The following PIBF1 variants were observed in gnomAD, a reference collection of about 807,000 sequenced individuals.
PIBF1 encodes progesterone-induced-blocking factor 1.
A neutral mutation model predicts 112.5 loss-of-function variants in PIBF1; 90 were observed. The observed-to-expected ratio is 0.80, with a 90% CI of 0.67 to 0.95. PIBF1 has a LOEUF of 0.95. PIBF1 is among the 40% of genes least tolerant of loss of function. PIBF1 has a pLI of 0.00. For missense variants in PIBF1, 915 were observed against 852.3 expected, an observed-to-expected ratio of 1.07 and a Z score of -0.92; for synonymous variants, 301 against 288.6, an observed-to-expected ratio of 1.04 and a Z score of -0.44.
intron 12 of PIBF1, among the ~76,000 whole-genome samples, chr13:72,915,110 G>A (rs1203066952): frequency 6.6e-6 from 1 of 152,064 alleles, no homozygotes; most frequent in African/African-American, 2.4e-5. Context: ...TGCAGACATG[G>A]TTTAAAGTGT....
chr13:73,000,026 T>C (rs2043804864), intron 17 of PIBF1, among the ~76,000 whole-genome samples: 1 of 152,046 alleles, frequency 6.6e-6, no homozygotes, highest in South Asian at 2.1e-4. Flanking sequence ...GGCGAGAGAG[T>C]GAAACTCTGC....
chr13:72,868,554 G>A (rs1566380688), intron 10 of PIBF1, among the ~76,000 whole-genome samples: 1 of 152,090 alleles, frequency 6.6e-6, no homozygotes, highest in Admixed American at 6.5e-5. Flanking sequence ...TCTGTATGTT[G>A]GTGTAACAAA....
intron 13 of PIBF1, among the ~76,000 whole-genome samples, chr13:72,928,044 T>TATACATATATATATATAC (rs1425822905): frequency 1.5e-4 from 20 of 130,088 alleles, no homozygotes; most frequent in African/African-American, 5.8e-4. Context: ...TATATATATA[T>TATACATATATATATATAC]ACATATATAT....
chr13:72,888,226 T>C (rs994778629), intron 10 of PIBF1, among the ~76,000 whole-genome samples: 5 of 152,104 alleles, frequency 3.3e-5, no homozygotes, highest in African/African-American at 1.2e-4. Context: ...ATGAGGCCAA[T>C]TGAAAATCTT....
intron 14 of PIBF1, among the ~76,000 whole-genome samples, chr13:72,932,052 C>T (rs2041726353): frequency 1.3e-5 from 2 of 151,170 alleles, no homozygotes; most frequent in Admixed American, 1.3e-4. Context: ...AGGACTCCTC[C>T]CTCCTCAGCC....
chr13:72,796,919 C>T (rs937019966), intron 4 of PIBF1, among the ~76,000 whole-genome samples: 1 of 152,028 alleles, frequency 6.6e-6, no homozygotes, highest in South Asian at 2.1e-4. Flanking sequence ...TTGCCTCTTA[C>T]CAAATAATGG....
Position 72,892,814 on chromosome 13 carries a change from ACG to A in PIBF1, c.1323-968_1323-967del, listed in dbSNP as rs1491436822. ...CACACACACACACACACACACGCAC[ACG>A]CACACACACCCCTCTATACAAACCA... On this transcript the variant is annotated intron_variant, in intron 10 of 17. Coordinates refer to ENST00000326291, the MANE Select transcript of PIBF1 (RefSeq NM_006346.4). 4.4e-3 allele frequency among the ~76,000 whole-genome samples: 652 copies of A among 148,062 alleles called. 11 individuals carry two copies. The highest frequency in any genetic ancestry group is 0.015 in the African/African-American group (612 of 41,026).
chr13:72,956,309 T>G (rs2042443450), intron 14 of PIBF1, among the ~76,000 whole-genome samples: 1 of 152,142 alleles, frequency 6.6e-6, no homozygotes, highest in Admixed American at 6.6e-5. Context: ...CTTACCCTTT[T>G]TCTCCTCTTT....
intron 17 of PIBF1, among the ~76,000 whole-genome samples, chr13:73,007,621 C>T (rs976666535): frequency 3.3e-5 from 5 of 152,022 alleles, no homozygotes; most frequent in African/African-American, 1.2e-4. Context: ...ACCAGCCTGA[C>T]CAACATGGAG....
chr13:73,015,276 G>A (rs1357058645), intron 17 of PIBF1, among the ~76,000 whole-genome samples: 1 of 152,192 alleles, frequency 6.6e-6, no homozygotes. Flanking sequence ...ACAGGCATGA[G>A]CCACCGCGCC....
chr13:72,913,068 T>G (rs1450080223), intron 12 of PIBF1, among the ~76,000 whole-genome samples: 8 of 151,810 alleles, frequency 5.3e-5, no homozygotes, highest in South Asian at 4.1e-4. Flanking sequence ...AATTTTTTTT[T>G]TTATTTTTAA....
chr13:72,875,583 A>G (rs928772939), intron 10 of PIBF1, among the ~76,000 whole-genome samples: 6 of 152,094 alleles, frequency 3.9e-5, no homozygotes, highest in East Asian at 1.9e-4. Context: ...CTGTTACTCC[A>G]TATCTTTGCC....
chr13:72,794,893 A>C (rs2035113659), intron 3 of PIBF1, among the ~76,000 whole-genome samples: 1 of 152,192 alleles, frequency 6.6e-6, no homozygotes, highest in African/African-American at 2.4e-5. Context: ...TGCTACATGT[A>C]TTCTTTGAGA....
chr13:72,993,614 C>T (rs1056249985), intron 16 of PIBF1, among the ~76,000 whole-genome samples: 1 of 151,098 alleles, frequency 6.6e-6, no homozygotes, highest in Non-Finnish European at 1.5e-5. Context: ...GGCATGGTGA[C>T]GGGCGCCTGT....
intron 10 of PIBF1, among the ~76,000 whole-genome samples, chr13:72,861,726 T>C (rs9530105): frequency 0.74 from 113,185 of 152,074 alleles, 42,514 homozygotes; most frequent in African/African-American, 0.82. Context: ...CCACCACACC[T>C]GGCTAATTTT....
At chr13:72,818,901 G>A (rs1301894773) in intron 5 of PIBF1, among the ~76,000 whole-genome samples, 3 of 151,632 alleles carry the variant, frequency 2.0e-5, no homozygotes, top group South Asian at 2.1e-4. Flanking sequence ...CTCATTTTTC[G>A]CAGAGATTAC....
intron 11 of PIBF1, 118 bp downstream of exon 11, chr13:72,894,067 A>AC (rs2040167822): frequency 2.2e-6 from 1 of 453,422 alleles, no homozygotes; most frequent in South Asian, 8.4e-5. Flanking sequence ...CAAAAAAAAA[A>AC]AAAAAAAAAA....
At chr13:72,874,343 A>T (rs2039300949) in intron 10 of PIBF1, among the ~76,000 whole-genome samples, 1 of 152,210 alleles carries the variant, frequency 6.6e-6, no homozygotes, top group South Asian at 2.1e-4. Context: ...CCAAGCTGAA[A>T]CAACTAGTGC....
At chr13:72,835,005 T>G (rs1339737390) in intron 8 of PIBF1, among the ~76,000 whole-genome samples, 1 of 152,168 alleles carries the variant, frequency 6.6e-6, no homozygotes, top group African/African-American at 2.4e-5. Flanking sequence ...TTACTAAGAT[T>G]TTATATAGTA....
Sources: allele counts gnomAD v4.1 joint callset (sites outside exome capture counted in the v4.1 genomes callset), GRCh38; gene constraint gnomAD v4.1.1; transcripts MANE v1.5; gene names NCBI Gene and HGNC (gene_info 2026-07-23, HGNC 2026-07-21).